RCAN2: variants seen among roughly 807,000 people sequenced by gnomAD.
The protein encoded by RCAN2 is calcipressin-2.
RCAN2 carries 9 observed loss-of-function variants against 23.6 expected under a neutral mutation model. The observed-to-expected ratio is 0.38, with a 90% CI of 0.23 to 0.67. RCAN2 has a LOEUF of 0.67. Among genes scored for constraint, RCAN2 ranks in the 30% least tolerant of loss-of-function variants. The pLI is 0.51. For synonymous variants in RCAN2, 109 were observed against 115.7 expected (o/e 0.94, Z 0.37); for missense variants, 273 against 302.3 (o/e 0.90, Z 0.72).
chr6:46,461,005 A>C (rs531832373), intron 1 of RCAN2, among the ~76,000 whole-genome samples: 1 of 152,364 alleles, frequency 6.6e-6, no homozygotes, highest in African/African-American at 2.4e-5. Context: ...CTAAAATTTA[A>C]TAATCTGTGG....
intron 1 of RCAN2, among the ~76,000 whole-genome samples, chr6:46,483,142 A>G (rs9472759): frequency 0.034 from 5,102 of 152,262 alleles, 298 homozygotes; most frequent in African/African-American, 0.12. Context: ...ACACTAGAAC[A>G]TAAGTGATCC....
intron 2 of RCAN2, among the ~76,000 whole-genome samples, chr6:46,283,464 C>T (rs1231716134): frequency 2.0e-5 from 3 of 152,088 alleles, no homozygotes; most frequent in Non-Finnish European, 2.9e-5. Context: ...AAAAATCCAA[C>T]CATATTTCAA....
At chr6:46,247,718 T>C (rs909189397) in intron 3 of RCAN2, among the ~76,000 whole-genome samples, 4 of 152,374 alleles carry the variant, frequency 2.6e-5, no homozygotes, top group Middle Eastern at 3.4e-3. Context: ...TTCCATCATA[T>C]GGACATACTA....
intron 2 of RCAN2, among the ~76,000 whole-genome samples, chr6:46,443,886 T>A (rs1003121136): frequency 6.6e-6 from 1 of 152,230 alleles, no homozygotes; most frequent in Non-Finnish European, 1.5e-5. Context: ...CAGTGGGTAA[T>A]GAACTGGACT....
At position 46,324,973 on chromosome 6, in the gene RCAN2, A is replaced by C. The variant is rs147931142; in HGVS notation, c.226-76077T>G. Among the ~76,000 whole-genome samples, 615 of 152,378 alleles carry C rather than the reference A, an allele frequency of 4.0e-3. 2 individuals carry two copies. Among genetic ancestry groups the C allele is most frequent in the Non-Finnish European group, 6.2e-3 (419 of 68,034 alleles). On this transcript the variant is annotated intron_variant, in intron 2 of 4. Coordinates refer to ENST00000371374, the MANE Select transcript of RCAN2 (RefSeq NM_001251974.2). The stretch of plus-strand genomic sequence containing the variant: ...TCACAGGATATTTAAGTGACATGCC[A>C]GAAAGGGTTATTGCCCCACTGTCAG...
At chr6:46,440,494 C>T (rs1767505538) in intron 2 of RCAN2, among the ~76,000 whole-genome samples, 1 of 151,794 alleles carries the variant, frequency 6.6e-6, no homozygotes, top group South Asian at 2.1e-4. Context: ...CTGTAAAACA[C>T]ATCCTTAATG....
chr6:46,249,583 G>A (rs1475904272), intron 2 of RCAN2, among the ~76,000 whole-genome samples: 1 of 152,042 alleles, frequency 6.6e-6, no homozygotes. Flanking sequence ...GCCTCCCAAA[G>A]TGCTGAGATT....
intron 2 of RCAN2, among the ~76,000 whole-genome samples, chr6:46,369,387 T>C (rs1263463015): frequency 2.0e-5 from 3 of 152,248 alleles, no homozygotes; most frequent in African/African-American, 4.8e-5. Context: ...TTTATTAGCA[T>C]TATAAAGTAT....
At chr6:46,469,481 C>T (rs897865036) in intron 1 of RCAN2, among the ~76,000 whole-genome samples, 2 of 152,122 alleles carry the variant, frequency 1.3e-5, no homozygotes, top group Non-Finnish European at 2.9e-5. Context: ...AGTAAGATTT[C>T]TGAGGAAAAC....
At position 46,440,930 on chromosome 6, in the gene RCAN2, C is replaced by T. The variant is rs117592235; in HGVS notation, c.225+15822G>A. 7.9e-5 allele frequency among the ~76,000 whole-genome samples: 12 copies of T among 152,276 alleles called. No individual in the cohort carries two copies. The East Asian group carries it at 2.3e-3, about 29-fold the overall frequency. ...GATTAACCTTCCTTAAAACTCAAGGCTATGATATAAAAGCACAACTTTGTT... is the reference window on the plus strand; with the variant it reads ...GATTAACCTTCCTTAAAACTCAAGGTTATGATATAAAAGCACAACTTTGTT... On this transcript the variant is annotated intron_variant, in intron 2 of 4. Coordinates refer to ENST00000371374, the MANE Select transcript of RCAN2 (RefSeq NM_001251974.2).
rs56237510 is a variant in RCAN2, at chr6:46,354,205, CTGTGTGTGTGTGTGTGTG to C, written c.225+102529_225+102546del. 6.0e-3 allele frequency among the ~76,000 whole-genome samples: 800 copies of C among 133,072 alleles called. 10 individuals are homozygous for C. The highest frequency in any genetic ancestry group is 0.021 in the African/African-American group (721 of 34,620). The allele number at this position is 133,072 out of a possible 152,430, so 87.3% of individuals were successfully genotyped here. ...TACATGTGTATGGTGTGTTATTTTA[CTGTGTGTGTGTGTGTGTG>C]TGTGTGTGTGTGTGTGTGTGTGTGT... On this transcript the variant is annotated intron_variant, in intron 2 of 4. Transcript: ENST00000371374.
intron 2 of RCAN2, among the ~76,000 whole-genome samples, chr6:46,352,737 A>G (rs751775485): frequency 1.3e-5 from 2 of 152,216 alleles, no homozygotes; most frequent in Non-Finnish European, 2.9e-5. Context: ...TCAGGGGAAC[A>G]TGAGGACACT....
intron 1 of RCAN2, among the ~76,000 whole-genome samples, chr6:46,481,845 TA>T (rs1288640636): frequency 6.6e-6 from 1 of 152,158 alleles, no homozygotes; most frequent in Non-Finnish European, 1.5e-5. Flanking sequence ...ACAGAAACCC[TA>T]CAATTTGAGA....
intron 2 of RCAN2, among the ~76,000 whole-genome samples, chr6:46,322,909 G>A (rs565592961): frequency 6.6e-5 from 10 of 152,298 alleles, no homozygotes; most frequent in Admixed American, 2.0e-4. Flanking sequence ...AACAAGGAGC[G>A]CAGGTTTTCT....
At chr6:46,326,015 G>T (rs548711486) in intron 2 of RCAN2, 3 of 363,856 alleles carry the variant, frequency 8.2e-6, no homozygotes, top group East Asian at 3.4e-4. Context: ...GCAGGAAGTT[G>T]AGGCATTTTG....
intron 2 of RCAN2, among the ~76,000 whole-genome samples, chr6:46,251,379 G>A (rs562809414): frequency 9.2e-5 from 14 of 152,322 alleles, no homozygotes; most frequent in African/African-American, 3.1e-4. Flanking sequence ...AGTTTGATTA[G>A]TTTGGGAAGT....
intron 2 of RCAN2, among the ~76,000 whole-genome samples, chr6:46,450,097 C>T (rs1426766671): frequency 4.6e-5 from 7 of 151,846 alleles, no homozygotes; most frequent in Non-Finnish European, 1.0e-4. Context: ...ACTCAAATAA[C>T]TCAACTGCAA....
chr6:46,428,653 A>G (rs1385261419), intron 2 of RCAN2, among the ~76,000 whole-genome samples: 1 of 152,178 alleles, frequency 6.6e-6, no homozygotes, highest in East Asian at 1.9e-4. Context: ...AATTTTCACT[A>G]TATCTCTGTC....
At chr6:46,483,525 G>A (rs16874679) in intron 1 of RCAN2, among the ~76,000 whole-genome samples, 9,883 of 152,208 alleles carry the variant, frequency 0.065, 427 homozygotes, top group East Asian at 0.14. Flanking sequence ...GTGTTCATGT[G>A]TTGTGGCACT....
Sources: gnomAD v4.1 joint callset for allele counts (sites outside exome capture counted in the v4.1 genomes callset) on GRCh38, gnomAD v4.1.1 for gene constraint, MANE v1.5 for transcripts, NCBI Gene and HGNC (gene_info 2026-07-23, HGNC 2026-07-21) for gene names.